The following MRAS variants were observed in gnomAD, a reference collection of about 807,000 sequenced individuals.
MRAS encodes the protein ras-related protein M-Ras.
A neutral mutation model predicts 20.9 loss-of-function variants in MRAS; 4 were observed. That is an observed-to-expected ratio of 0.19 (90% confidence interval 0.09 to 0.44). The LOEUF (loss-of-function observed/expected upper bound fraction) is 0.44, where lower values mean the gene tolerates loss of function less well. MRAS is among the 20% of genes least tolerant of loss of function. The probability of loss-of-function intolerance (pLI) is 0.99; values close to 1 mark genes in which losing one functional copy is unlikely to be tolerated. For missense variants in MRAS, 154 were observed against 277.5 expected, an observed-to-expected ratio of 0.56 and a Z score of 3.16; for synonymous variants, 98 against 102.9, an observed-to-expected ratio of 0.95 and a Z score of 0.29.
intron 2 of MRAS, among the ~76,000 whole-genome samples, chr3:138,393,634 T>C (rs2055173740): frequency 2.6e-5 from 4 of 152,172 alleles, no homozygotes; most frequent in African/African-American, 7.2e-5. Context: ...TTAGATAGTA[T>C]ATACCTTCAA....
At chr3:138,355,302 C>G (rs2054308580) in intron 1 of MRAS, among the ~76,000 whole-genome samples, 1 of 152,212 alleles carries the variant, frequency 6.6e-6, no homozygotes, top group Non-Finnish European at 1.5e-5. Flanking sequence ...TCCATGACGA[C>G]AGGACGCAGC....
chr3:138,387,284 C>T (rs2055036929), intron 2 of MRAS, among the ~76,000 whole-genome samples: 1 of 152,208 alleles, frequency 6.6e-6, no homozygotes, highest in Admixed American at 6.5e-5. Context: ...GGCGCAGGTG[C>T]GGAGTAGGTG....
intron 2 of MRAS, among the ~76,000 whole-genome samples, chr3:138,384,591 A>G (rs1295724713): frequency 2.0e-5 from 3 of 152,212 alleles, no homozygotes; most frequent in Admixed American, 6.5e-5. Flanking sequence ...TGTTAAATCC[A>G]GGATGCCTTT....
intron 1 of MRAS, chr3:138,350,179 A>G (rs1030300612): frequency 2.0e-5 from 3 of 152,236 alleles, no homozygotes; most frequent in African/African-American, 7.2e-5. Flanking sequence ...ACTTTCTCGG[A>G]TACGGTTCTT....
chr3:138,381,335 A>G (rs1048333902), intron 2 of MRAS, among the ~76,000 whole-genome samples: 20 of 152,218 alleles, frequency 1.3e-4, no homozygotes, highest in African/African-American at 4.3e-4. Context: ...TGAGGTACAG[A>G]TGGAGAGGTC....
intron 1 of MRAS, among the ~76,000 whole-genome samples, chr3:138,364,658 T>A (rs767262887): frequency 1.2e-4 from 18 of 151,934 alleles, no homozygotes; most frequent in Non-Finnish European, 2.5e-4. Context: ...TGCTAGAAAA[T>A]AAGGGTTTCA....
intron 1 of MRAS, among the ~76,000 whole-genome samples, chr3:138,360,942 A>G (rs55672236): frequency 0.053 from 8,081 of 152,320 alleles, 690 homozygotes; most frequent in African/African-American, 0.18. Context: ...CCGAGCTTTC[A>G]GGTCAGAGAT....
At position 138,348,730 on chromosome 3, in the gene MRAS, G is replaced by C. The variant is rs954606276; in HGVS notation, c.-56G>C. Reference sequence around the variant, plus strand: ...CACCGGCGCAGGCTAGGAGGGGGCGGCCTGAGTGCCGTAGCCGAGCCGGGG... The same window carrying C: ...CACCGGCGCAGGCTAGGAGGGGGCGCCCTGAGTGCCGTAGCCGAGCCGGGG... On this transcript the variant is annotated 5_prime_UTR_variant, in exon 1 of 6. Coordinates refer to ENST00000423968, the MANE Select transcript of MRAS (RefSeq NM_001085049.3). The C allele has an allele frequency of 3.3e-5, 5 of 151,696 alleles. No homozygotes were observed. Among genetic ancestry groups the C allele is most frequent in the Non-Finnish European group, 5.9e-5 (4 of 67,908 alleles). The allele number at this position is 151,696 out of a possible 1,614,324, so 9.4% of individuals were successfully genotyped here. A position where few individuals can be genotyped will look rare whatever the true frequency, so the allele number is the denominator to read the frequency against.
At chr3:138,391,153 T>A (rs1183562840) in intron 2 of MRAS, among the ~76,000 whole-genome samples, 2 of 152,210 alleles carry the variant, frequency 1.3e-5, no homozygotes, top group Non-Finnish European at 2.9e-5. Context: ...ACCTTTTTCT[T>A]TCTCTCTTAT....
rs556675416 is a variant in MRAS at position 138,390,026 on chromosome 3, G to A, written c.194-7298G>A. ...AGTATTTCTCAGGAGGGAACAAGAAGGGGAGAAGGGAGGAGGAGAAGCAGA... is the reference window on the plus strand; with the variant it reads ...AGTATTTCTCAGGAGGGAACAAGAAAGGGAGAAGGGAGGAGGAGAAGCAGA... On this transcript the variant is annotated intron_variant, in intron 2 of 5. Transcript: ENST00000423968. 1.9e-3 allele frequency among the ~76,000 whole-genome samples: 283 copies of A among 151,122 alleles called. 4 individuals are homozygous for A. Among genetic ancestry groups the A allele is most frequent in the African/African-American group, 5.9e-3 (244 of 41,074 alleles).
At chr3:138,355,548 A>G (rs950235714) in intron 1 of MRAS, among the ~76,000 whole-genome samples, 6 of 152,250 alleles carry the variant, frequency 3.9e-5, no homozygotes, top group African/African-American at 1.4e-4. Context: ...CATAATAGAT[A>G]GTGGGGACCT....
At chr3:138,354,944 C>A (rs2054300154) in intron 1 of MRAS, among the ~76,000 whole-genome samples, 1 of 151,996 alleles carries the variant, frequency 6.6e-6, no homozygotes, top group South Asian at 2.1e-4. Context: ...CCATGCCCAT[C>A]TAATTTAAAA....
chr3:138,368,571 A>G (rs186258099), intron 1 of MRAS, among the ~76,000 whole-genome samples: 2 of 152,314 alleles, frequency 1.3e-5, no homozygotes, highest in South Asian at 2.1e-4. Context: ...GAGAACCCCA[A>G]GTCTACCTTA....
chr3:138,375,097 G>C (rs1301456929), intron 2 of MRAS, among the ~76,000 whole-genome samples: 2 of 152,086 alleles, frequency 1.3e-5, no homozygotes, highest in Non-Finnish European at 2.9e-5. Flanking sequence ...TTGTCGCCCA[G>C]GCTGGTCTTG....
At chr3:138,394,052 G>A (rs190482985) in intron 2 of MRAS, among the ~76,000 whole-genome samples, 58 of 150,626 alleles carry the variant, frequency 3.9e-4, no homozygotes, top group Middle Eastern at 3.5e-3. Context: ...TGCTGTTTCC[G>A]TCTGTTTTAT....
At position 138,400,612 on chromosome 3, in the gene MRAS, A is replaced by G; in HGVS notation, c.526A>G (p.Arg176Gly). ...KAFHDLVRVIRQQIPEKSQKK... is the reference protein window; with the variant it reads ...KAFHDLVRVIGQQIPEKSQKK... ...CTTCCATGACCTCGTTAGAGTAATT[A>G]GGTGAGCACTGCCCTCTCCCTAGAA... Residue 176 changes from arginine to glycine, a missense_variant and splice_region_variant, in exon 5 of 6, where the codon AGG becomes GGG. Physicochemically the swap from Arg to Gly is moderately radical, Grantham distance 125. Coordinates refer to ENST00000423968, the MANE Select transcript of MRAS (RefSeq NM_001085049.3). 6.2e-7 allele frequency: 1 copy of G among 1,609,050 alleles called. No individual in the cohort carries two copies. Among genetic ancestry groups the G allele is most frequent in the Non-Finnish European group, 8.5e-7 (1 of 1,175,386 alleles).
At chr3:138,360,553 CCCT>C (rs996764315) in intron 1 of MRAS, among the ~76,000 whole-genome samples, 6 of 152,148 alleles carry the variant, frequency 3.9e-5, no homozygotes, top group Admixed American at 1.3e-4. Context: ...AAGGAAGGAC[CCCT>C]CATCGCCACT....
chr3:138,347,902 C>T (rs1196835161), upstream of MRAS: 1 of 152,260 alleles, frequency 6.6e-6, no homozygotes, highest in Non-Finnish European at 1.5e-5. Flanking sequence ...TTGAATTGTA[C>T]ACTTCAAAAG....
At chr3:138,363,760 T>C (rs972006558) in intron 1 of MRAS, among the ~76,000 whole-genome samples, 9 of 150,808 alleles carry the variant, frequency 6.0e-5, no homozygotes, top group Non-Finnish European at 1.0e-4. Context: ...TCCTCATTTT[T>C]CTCTGGGCTC....
Sources: gnomAD v4.1 joint callset for allele counts (sites outside exome capture counted in the v4.1 genomes callset) on GRCh38, gnomAD v4.1.1 for gene constraint, MANE v1.5 for transcripts, NCBI Gene and HGNC (gene_info 2026-07-23, HGNC 2026-07-21) for gene names.